GPHN: variants seen among roughly 807,000 people sequenced by gnomAD.
GPHN encodes the protein gephyrin.
Under a neutral mutation model 95.5 loss-of-function variants are expected in GPHN, and 17 were observed. That is an observed-to-expected ratio of 0.18 (90% CI 0.12 to 0.27). GPHN has a LOEUF of 0.27. Ranked by LOEUF, GPHN falls within the 10% of genes least tolerant of loss-of-function variation. The probability of loss-of-function intolerance (pLI) is 1.00; values close to 1 mark genes in which losing one functional copy is unlikely to be tolerated. For missense variants in GPHN, 660 were observed against 978.1 expected (o/e 0.67, Z 4.34); for synonymous variants, 320 against 322.5 (o/e 0.99, Z 0.08).
At chr14:67,600,348 G>A in the GPHN span, 1 of 658,950 alleles carries the variant, frequency 1.5e-6, no homozygotes, top group Non-Finnish European at 2.4e-6. Flanking sequence ...CGCGCCGAGA[G>A]CTCTGCTGGG....
chr14:67,368,344 G>T, the GPHN span, among the ~76,000 whole-genome samples: 1 of 152,154 alleles, frequency 6.6e-6, no homozygotes, highest in African/African-American at 2.4e-5. Flanking sequence ...ATGGGCTCCA[G>T]ATTGGCTGCT....
chr14:67,455,831 G>C, the GPHN span, among the ~76,000 whole-genome samples: 1 of 152,166 alleles, frequency 6.6e-6, no homozygotes, highest in Non-Finnish European at 1.5e-5. Context: ...AGAAAGCAGT[G>C]AAAGATATGA....
At chr14:66,603,196 A>G (rs2062342101) in intron 1 of GPHN, among the ~76,000 whole-genome samples, 2 of 151,930 alleles carry the variant, frequency 1.3e-5, no homozygotes, top group African/African-American at 4.8e-5. Context: ...AAATCTTTTA[A>G]CTTTTAGATT....
At chr14:66,776,364 T>C (rs2059382642) in intron 2 of GPHN, 100 bp from the exon 3 acceptor site, 4 of 797,768 alleles carry the variant, frequency 5.0e-6, no homozygotes, top group South Asian at 4.1e-5. Flanking sequence ...GGGTGAATAC[T>C]GGGAGTTATT....
At chr14:67,132,681 G>A (rs2079795587) in intron 17 of GPHN, among the ~76,000 whole-genome samples, 2 of 151,894 alleles carry the variant, frequency 1.3e-5, no homozygotes, top group Non-Finnish European at 2.9e-5. Flanking sequence ...TGCTATTGCA[G>A]TTGACATTTC....
chr14:67,639,786 G>T, the GPHN span, among the ~76,000 whole-genome samples: 1 of 152,076 alleles, frequency 6.6e-6, no homozygotes, highest in Admixed American at 6.5e-5. Flanking sequence ...TTCACCAGAC[G>T]TGGTGGCGCA....
At chr14:66,788,472 G>A (rs973280288) in intron 3 of GPHN, among the ~76,000 whole-genome samples, 6 of 152,152 alleles carry the variant, frequency 3.9e-5, no homozygotes, top group East Asian at 1.9e-4. Context: ...TATCAGAATT[G>A]TAGGAGTTTC....
At chr14:67,095,766 C>G (rs911840438) in intron 12 of GPHN, among the ~76,000 whole-genome samples, 2 of 151,682 alleles carry the variant, frequency 1.3e-5, no homozygotes, top group Non-Finnish European at 2.9e-5. Context: ...ACATCACACT[C>G]TGGGGACTGT....
the GPHN span, among the ~76,000 whole-genome samples, chr14:67,624,586 C>G: frequency 2.0e-4 from 30 of 152,228 alleles, no homozygotes; most frequent in South Asian, 5.8e-3. Context: ...AACCGGATCT[C>G]ATGAGAACTC....
chr14:67,708,773 T>C, the GPHN span, among the ~76,000 whole-genome samples: 1 of 151,402 alleles, frequency 6.6e-6, no homozygotes, highest in Admixed American at 6.6e-5. Flanking sequence ...TTTCGGACTC[T>C]AGGGAACCTA....
At chr14:66,876,297 G>A (rs1005835068) in intron 4 of GPHN, among the ~76,000 whole-genome samples, 7 of 152,016 alleles carry the variant, frequency 4.6e-5, no homozygotes, top group Admixed American at 6.6e-5. Flanking sequence ...GGGGAAAATG[G>A]GAAAGATCTA....
the GPHN span, chr14:67,279,790 C>T: frequency 2.6e-6 from 1 of 379,002 alleles, no homozygotes; most frequent in Non-Finnish European, 4.7e-6. Flanking sequence ...TCTGCATGGG[C>T]CCTAACATTT....
chr14:67,091,023 CATT>C (rs1402807858), intron 12 of GPHN, among the ~76,000 whole-genome samples: 1 of 150,972 alleles, frequency 6.6e-6, no homozygotes, highest in Non-Finnish European at 1.5e-5. Flanking sequence ...TGATAGTAAC[CATT>C]ATTATCATAT....
At chr14:66,842,215 A>G (rs559045513) in intron 4 of GPHN, among the ~76,000 whole-genome samples, 57 of 152,152 alleles carry the variant, frequency 3.7e-4, no homozygotes, top group Non-Finnish European at 6.5e-4. Context: ...TCACCAAGAT[A>G]TTTACTGGTA....
At chr14:66,772,940 C>T (rs2059235829) in intron 2 of GPHN, among the ~76,000 whole-genome samples, 1 of 152,198 alleles carries the variant, frequency 6.6e-6, no homozygotes, top group South Asian at 2.1e-4. Context: ...TATATGAGCA[C>T]TTTAGAAAAA....
At chr14:66,645,691 CAAAAAAA>C (rs35278627) in intron 1 of GPHN, among the ~76,000 whole-genome samples, 1 of 109,078 alleles carries the variant, frequency 9.2e-6, no homozygotes, top group African/African-American at 3.0e-5. Context: ...GACTCCATTT[CAAAAAAA>C]AAAAAAAAGA....
At chr14:67,586,864 T>C in the GPHN span, 2 of 1,513,848 alleles carry the variant, frequency 1.3e-6, no homozygotes, top group East Asian at 2.6e-5. Context: ...ACTGTGCATC[T>C]GAGAGGATCT....
chr14:66,597,543 A>T (rs1367205055), intron 1 of GPHN, among the ~76,000 whole-genome samples: 1 of 152,138 alleles, frequency 6.6e-6, no homozygotes, highest in East Asian at 1.9e-4. Flanking sequence ...GGGTGCCAGG[A>T]GTGGGGAGAG....
chr14:66,765,666 C>T (rs948528243), intron 2 of GPHN, among the ~76,000 whole-genome samples: 2 of 151,946 alleles, frequency 1.3e-5, no homozygotes, highest in East Asian at 1.9e-4. Flanking sequence ...GGGTACTCTG[C>T]GTATTACCTG....
Sources: allele counts gnomAD v4.1 joint callset (sites outside exome capture counted in the v4.1 genomes callset), GRCh38; gene constraint gnomAD v4.1.1; transcripts MANE v1.5; gene names NCBI Gene and HGNC (gene_info 2026-07-23, HGNC 2026-07-21).